Variants in NUP107 observed in about 807,000 individuals in gnomAD.
NUP107 encodes nucleoporin 107, also known as nuclear pore complex protein Nup107.
A neutral mutation model predicts 141.0 loss-of-function variants in NUP107; 101 were observed. The ratio of observed to expected loss-of-function variants is 0.72; its 90% CI spans 0.61 to 0.84. The LOEUF (loss-of-function observed/expected upper bound fraction) is 0.84, where lower values mean the gene tolerates loss of function less well. Among genes scored for constraint, NUP107 ranks in the 40% least tolerant of loss-of-function variants. The pLI is 0.00. For synonymous variants in NUP107, 319 were observed against 363.9 expected (o/e 0.88, Z 1.41); for missense variants, 941 against 1,102.7 (o/e 0.85, Z 2.08).
intron 5 of NUP107, among the ~76,000 whole-genome samples, chr12:68,696,595 C>A (rs1473943712): frequency 1.3e-5 from 2 of 151,802 alleles, no homozygotes; most frequent in African/African-American, 2.4e-5. Context: ...TGCCTGTAAT[C>A]CCAGCTAGTT....
chr12:68,709,938 C>A, intron 9 of NUP107, 67 bp from the exon 10 acceptor site: 1 of 885,864 alleles, frequency 1.1e-6, no homozygotes. Flanking sequence ...GGTAGTAGTA[C>A]CACTACAAAT....
At chr12:68,699,448 G>A (rs773116931) in intron 6 of NUP107, among the ~76,000 whole-genome samples, 24 of 152,092 alleles carry the variant, frequency 1.6e-4, no homozygotes, top group Admixed American at 7.2e-4. Flanking sequence ...AGAAAATACT[G>A]CATTCAGTAA....
chr12:68,699,042 T>C (rs1876201240), intron 6 of NUP107, among the ~76,000 whole-genome samples: 1 of 152,050 alleles, frequency 6.6e-6, no homozygotes, highest in African/African-American at 2.4e-5. Flanking sequence ...GGAAGAGATA[T>C]TTGGGTACTC....
At chr12:68,727,426 C>A in intron 20 of NUP107, 37 bp downstream of exon 20, 2 of 1,231,862 alleles carry the variant, frequency 1.6e-6, no homozygotes, top group South Asian at 1.4e-5. Flanking sequence ...TTGTTTTTTA[C>A]TATTTTAATG....
intron 8 of NUP107, among the ~76,000 whole-genome samples, chr12:68,704,177 C>T (rs1332793784): frequency 6.6e-6 from 1 of 152,214 alleles, no homozygotes; most frequent in Non-Finnish European, 1.5e-5. Context: ...CCTTAGGATT[C>T]AATGCTGTCT....
intron 20 of NUP107, 41 bp from the exon 21 acceptor site, chr12:68,731,063 CTTTTAA>C (rs1431966273): frequency 7.5e-7 from 1 of 1,335,642 alleles, no homozygotes; most frequent in Non-Finnish European, 1.0e-6. Context: ...TTGAAGTATA[CTTTTAA>C]TTTTATTATT....
intron 5 of NUP107, among the ~76,000 whole-genome samples, chr12:68,696,431 G>A (rs985951800): frequency 2.6e-5 from 4 of 151,912 alleles, no homozygotes; most frequent in African/African-American, 7.3e-5. Context: ...TTTTCAAACA[G>A]GCTGGGTGCG....
rs757636815 is a variant in NUP107 at position 68,718,845 on chromosome 12, A to AT, written c.1084-494dup. On this transcript the variant is annotated intron_variant, in intron 12 of 27. Coordinates refer to ENST00000229179, the MANE Select transcript of NUP107 (RefSeq NM_020401.4). ...GCATATGTTTTAAAAATAGAATGCC[A>AT]TTATGTATGTATGTATGTATGTATG... Among the ~76,000 whole-genome samples the AT allele has an allele frequency of 2.5e-4, 32 of 129,180 alleles. 1 individual carries two copies. Among genetic ancestry groups the AT allele is most frequent in the South Asian group, 1.4e-3 (5 of 3,604 alleles). 84.7% of individuals were successfully genotyped at this position (129,180 alleles called of 152,430 possible). A position where few individuals can be genotyped will look rare whatever the true frequency, so the allele number is the denominator to read the frequency against.
In NUP107 at chr12:68,719,386, A is replaced by G. The variant is rs1158156140; in HGVS notation, c.1129A>G (p.Thr377Ala). ...CTGTGGTCAAGCATGGAGAGCTGCA[A>G]CACTTGAAGGCTGGAAACTGTACCA... is the stretch of plus-strand genomic sequence containing the variant. ...KRCGQAWRAA[T>A]LEGWKLYHDP... The change falls in exon 13 of 28, where the codon ACA (threonine) becomes GCA (alanine). Residue 377 changes from threonine to alanine, a missense_variant. Coordinates refer to ENST00000229179, the MANE Select transcript of NUP107 (RefSeq NM_020401.4). 1 of 1,614,070 alleles carries G rather than the reference A, an allele frequency of 6.2e-7. No individual in the cohort carries two copies. The highest frequency in any genetic ancestry group is 1.3e-5 in the African/African-American group (1 of 74,934).
intron 4 of NUP107, among the ~76,000 whole-genome samples, chr12:68,691,118 T>A (rs942324199): frequency 6.6e-6 from 1 of 152,192 alleles, no homozygotes; most frequent in African/African-American, 2.4e-5. Flanking sequence ...TTAACAAATA[T>A]TGAGTCAGAA....
At position 68,709,914 on chromosome 12, in the gene NUP107, CTG is replaced by C. The variant is rs1876769066; in HGVS notation, c.802-89_802-88del. ...AAAAAAAAAAATAAAAAATCTGAAA[CTG>C]TTTGAATTAAGGGTAGTAGTACCAC... On this transcript the variant is annotated intron_variant, in intron 9 of 27. Transcript: ENST00000229179. The C allele has an allele frequency of 1.2e-5, 9 of 722,496 alleles. No homozygotes were observed. The Middle Eastern group carries it at 1.5e-3, about 117-fold the overall frequency. 44.8% of individuals were successfully genotyped at this position (722,496 alleles called of 1,614,324 possible).
At chr12:68,693,904 C>T (rs964164401) in intron 5 of NUP107, among the ~76,000 whole-genome samples, 1 of 151,920 alleles carries the variant, frequency 6.6e-6, no homozygotes, top group African/African-American at 2.4e-5. Flanking sequence ...TCTCCTGGAC[C>T]GTAATGCTGT....
Position 68,733,525 on chromosome 12 carries a change from T to C in NUP107, c.2175T>C (p.Asn725=), listed in dbSNP as rs747384465. ...IPQDSIAEIY[N]QCEEQGMESP... ...AGGATTCTATAGCAGAAATCTATAA[T>C]CAGTGCGAGGAACAAGGAATGGAAA... The change falls in exon 24 of 28, where the codon AAT becomes AAC. Residue 725 remains asparagine, a synonymous_variant. Transcript: ENST00000229179. 6.2e-6 allele frequency: 10 copies of C among 1,613,688 alleles called. No homozygotes were observed. The Admixed American group carries it at 8.3e-5, about 13-fold the overall frequency.
intron 8 of NUP107, chr12:68,705,957 G>A: frequency 2.2e-6 from 2 of 903,296 alleles, no homozygotes; most frequent in Admixed American, 1.7e-5. Flanking sequence ...TCATTGACAA[G>A]GTACAGTTCC....
At position 68,741,831 on chromosome 12, in the gene NUP107, G is replaced by A; in HGVS notation, c.2521G>A (p.Glu841Lys). The A allele has an allele frequency of 6.2e-7, 1 of 1,612,910 alleles. No individual in the cohort carries two copies. Among genetic ancestry groups the A allele is most frequent in the Non-Finnish European group, 8.5e-7 (1 of 1,179,624 alleles). ...DVREDAKEDHERTHQMVLLRK... is the reference protein window; with the variant it reads ...DVREDAKEDHKRTHQMVLLRK... ...TTTGTAGGATGCCAAAGAAGACCAT[G>A]AAAGAACACATCAAATGGTCTTACT... The change falls in exon 27 of 28, where the codon GAA (glutamate) becomes AAA (lysine). Residue 841 changes from glutamate (E) to lysine (K), a missense_variant. Glu to Lys is a moderately conservative substitution (Grantham distance 56, BLOSUM62 1). Coordinates refer to ENST00000229179, the MANE Select transcript of NUP107 (RefSeq NM_020401.4).
In NUP107 at chr12:68,731,612, G is replaced by C; in HGVS notation, c.1891G>C (p.Asp631His). ...CGCTTCAAAAAATTATTTAGATTTG[G>C]ATGTTGCAACAATAACAAAAACTGT... Reference protein sequence around the residue: ...CLELAKEADLDVATITKTVVE... With the variant: ...CLELAKEADLHVATITKTVVE... The change falls in exon 22 of 28, where the codon GAT becomes CAT. Residue 631 changes from aspartate (D) to histidine (H), a missense_variant. By Grantham distance (81) the Asp-to-His change is moderately conservative. Coordinates refer to ENST00000229179, the MANE Select transcript of NUP107 (RefSeq NM_020401.4). 6.5e-7 allele frequency: 1 copy of C among 1,545,462 alleles called. No individual in the cohort carries two copies. The highest frequency in any genetic ancestry group is 8.7e-7 in the Non-Finnish European group (1 of 1,150,820).
chr12:68,735,180 T>G lies in NUP107; in HGVS notation c.2389-51T>G, dbSNP rs779698899. 6.0e-6 allele frequency: 7 copies of G among 1,175,732 alleles called. No homozygotes were observed. The African/African-American group carries it at 7.5e-5, about 13-fold the overall frequency. The allele number at this position is 1,175,732 out of a possible 1,614,324, so 72.8% of individuals were successfully genotyped here. On this transcript the variant is annotated intron_variant, in intron 25 of 27. Transcript: ENST00000229179. ...TTCCTGTCTGTATTTTCCAAATACATTATTTATTGGGTTTTATCCATTATA... is the reference window on the plus strand; with the variant it reads ...TTCCTGTCTGTATTTTCCAAATACAGTATTTATTGGGTTTTATCCATTATA...
rs750236593 is a variant in NUP107, at chr12:68,742,342, T to G, written c.2671-13T>G. 4 of 1,535,452 alleles carry G rather than the reference T, an allele frequency of 2.6e-6. No homozygotes were observed. The highest frequency in any genetic ancestry group is 2.7e-6 in the Non-Finnish European group (3 of 1,112,314). ...TCTTTGTTCTCATTCTTATTTCTCT[T>G]TTTAAAAATCAGGTATTTTCTAAGG... is the stretch of plus-strand genomic sequence containing the variant. On this transcript the variant is annotated splice_polypyrimidine_tract_variant and intron_variant, in intron 27 of 27. Coordinates refer to ENST00000229179, the MANE Select transcript of NUP107 (RefSeq NM_020401.4).
intron 26 of NUP107, chr12:68,740,090 G>A (rs1878262454): frequency 6.6e-6 from 1 of 152,194 alleles, no homozygotes. Flanking sequence ...AGCACACTCT[G>A]ATATTATGGC....
Sources: allele counts gnomAD v4.1 joint callset (sites outside exome capture counted in the v4.1 genomes callset), GRCh38; gene constraint gnomAD v4.1.1; transcripts MANE v1.5; gene names NCBI Gene and HGNC (gene_info 2026-07-23, HGNC 2026-07-21).